RBFOX1: variants seen among roughly 807,000 people sequenced by gnomAD.
The protein encoded by RBFOX1 is RNA binding fox-1 homolog 1.
RBFOX1 carries 8 observed loss-of-function variants against 57.7 expected under a neutral mutation model. The ratio of observed to expected loss-of-function variants is 0.14; its 90% CI spans 0.08 to 0.25. The LOEUF (loss-of-function observed/expected upper bound fraction) is 0.25. RBFOX1 is among the 10% of genes least tolerant of loss of function. The pLI, the probability that RBFOX1 is intolerant of heterozygous loss-of-function variation, is 1.00. For synonymous variants in RBFOX1, 326 were observed against 222.4 expected, an observed-to-expected ratio of 1.47 and a Z score of -4.15; for missense variants, 611 against 548.5, an observed-to-expected ratio of 1.11 and a Z score of -1.14.
chr16:6,864,456 C>A (rs1288013018), intron 3 of RBFOX1, among the ~76,000 whole-genome samples: 1 of 151,828 alleles, frequency 6.6e-6, no homozygotes, highest in African/African-American at 2.4e-5. Flanking sequence ...CATCATCATG[C>A]CCGAAAAAGT....
chr16:7,704,366 A>G (rs184149257), intron 14 of RBFOX1, among the ~76,000 whole-genome samples: 54 of 152,322 alleles, frequency 3.5e-4, no homozygotes, highest in African/African-American at 1.3e-3. Context: ...AGTGTTTTGC[A>G]AACTCACAGA....
intron 4 of RBFOX1, among the ~76,000 whole-genome samples, chr16:5,949,274 A>G (rs1422347702): frequency 6.6e-6 from 1 of 152,076 alleles, no homozygotes; most frequent in Admixed American, 6.6e-5. Context: ...TAAAAAAAGA[A>G]TACAGGCTTT....
chr16:6,977,517 C>T (rs1469303527), intron 3 of RBFOX1, among the ~76,000 whole-genome samples: 1 of 152,062 alleles, frequency 6.6e-6, no homozygotes, highest in Non-Finnish European at 1.5e-5. Context: ...TTCCAGCCCT[C>T]ACTCAAAATG....
intron 3 of RBFOX1, among the ~76,000 whole-genome samples, chr16:6,865,278 C>T (rs566273342): frequency 1.3e-5 from 2 of 151,940 alleles, no homozygotes; most frequent in African/African-American, 4.8e-5. Flanking sequence ...ACTGGGATTA[C>T]AGACGTGAGC....
At chr16:7,431,212 T>C (rs1230158048) in intron 4 of RBFOX1, 2 of 152,142 alleles carry the variant, frequency 1.3e-5, no homozygotes, top group African/African-American at 4.8e-5. Flanking sequence ...ATTTTTTACA[T>C]GTCTTTTATT....
intron 2 of RBFOX1, among the ~76,000 whole-genome samples, chr16:6,574,982 G>C (rs2097406890): frequency 6.6e-6 from 1 of 150,950 alleles, no homozygotes; most frequent in Non-Finnish European, 1.5e-5. Flanking sequence ...AGCTTGCAGT[G>C]AGCCGAGATG....
intron 4 of RBFOX1, among the ~76,000 whole-genome samples, chr16:7,321,783 C>T (rs1277811074): frequency 6.6e-6 from 1 of 152,206 alleles, no homozygotes; most frequent in Non-Finnish European, 1.5e-5. Flanking sequence ...AGTGGTTCCT[C>T]TTTTGATGTC....
At chr16:6,177,965 G>T (rs1300616037) in intron 1 of RBFOX1, among the ~76,000 whole-genome samples, 3 of 150,524 alleles carry the variant, frequency 2.0e-5, no homozygotes. Flanking sequence ...TCCTGAAGAT[G>T]GAGCCATTTA....
chr16:7,613,739 C>T (rs1373426306), intron 10 of RBFOX1, among the ~76,000 whole-genome samples: 1 of 152,104 alleles, frequency 6.6e-6, no homozygotes, highest in Admixed American at 6.5e-5. Flanking sequence ...CTTCCACCAC[C>T]AAGAGTCTAT....
chr16:5,655,530 ATTCC>A (rs2151376745), intron 3 of RBFOX1, among the ~76,000 whole-genome samples: 2 of 152,328 alleles, frequency 1.3e-5, no homozygotes, highest in South Asian at 4.1e-4. Context: ...GGTGCTTTAA[ATTCC>A]TTCCCAGAAT....
At chr16:7,491,627 CTTTAT>C (rs1181779287) in intron 4 of RBFOX1, among the ~76,000 whole-genome samples, 1 of 151,826 alleles carries the variant, frequency 6.6e-6, no homozygotes, top group African/African-American at 2.4e-5. Context: ...CATTTGGGCT[CTTTAT>C]TTTATCTATT....
At chr16:7,373,572 A>G (rs1420243098) in intron 4 of RBFOX1, among the ~76,000 whole-genome samples, 3 of 152,176 alleles carry the variant, frequency 2.0e-5, no homozygotes, top group African/African-American at 4.8e-5. Flanking sequence ...GCAAGCCTTT[A>G]TCTTTAATAA....
chr16:5,494,247 G>A (rs1000993299), intron 2 of RBFOX1, among the ~76,000 whole-genome samples: 2 of 152,192 alleles, frequency 1.3e-5, no homozygotes, highest in African/African-American at 4.8e-5. Context: ...CAGAAACCTT[G>A]TTCCCAAAGT....
At chr16:6,652,701 A>T (rs2154085354) in intron 2 of RBFOX1, among the ~76,000 whole-genome samples, 1 of 152,158 alleles carries the variant, frequency 6.6e-6, no homozygotes, top group Non-Finnish European at 1.5e-5. Flanking sequence ...CAATGAGAGG[A>T]GTCTAGAGTA....
chr16:7,612,926 C>T (rs996688376), intron 10 of RBFOX1, among the ~76,000 whole-genome samples: 1 of 152,152 alleles, frequency 6.6e-6, no homozygotes, highest in African/African-American at 2.4e-5. Context: ...TCATAAGATG[C>T]ACCACTTGAA....
intron 1 of RBFOX1, among the ~76,000 whole-genome samples, chr16:6,044,881 T>G (rs955439224): frequency 2.0e-5 from 3 of 152,198 alleles, no homozygotes; most frequent in Admixed American, 6.5e-5. Flanking sequence ...TGTTTTACCT[T>G]TAGAATGAGA....
At chr16:5,368,653 A>G (rs1312414038) in intron 1 of RBFOX1, among the ~76,000 whole-genome samples, 3 of 152,172 alleles carry the variant, frequency 2.0e-5, no homozygotes, top group African/African-American at 7.2e-5. Context: ...TAAGAATCAA[A>G]AGCTCAAAGG....
At chr16:5,669,742 C>T (rs987591732) in intron 3 of RBFOX1, among the ~76,000 whole-genome samples, 2 of 152,078 alleles carry the variant, frequency 1.3e-5, no homozygotes, top group African/African-American at 4.8e-5. Flanking sequence ...GAGATGAAAA[C>T]ACAAGGAAAG....
intron 2 of RBFOX1, among the ~76,000 whole-genome samples, chr16:5,499,499 A>T (rs1013175237): frequency 4.6e-5 from 7 of 152,178 alleles, no homozygotes; most frequent in Non-Finnish European, 1.0e-4. Context: ...GAGAGGCTAC[A>T]TCACTTAACC....
Sources: gnomAD v4.1 joint callset for allele counts (sites outside exome capture counted in the v4.1 genomes callset) on GRCh38, gnomAD v4.1.1 for gene constraint, MANE v1.5 for transcripts, NCBI Gene and HGNC (gene_info 2026-07-23, HGNC 2026-07-21) for gene names.